The following DOCK9 variants were observed in gnomAD, a reference collection of about 807,000 sequenced individuals.
The protein encoded by DOCK9 is dedicator of cytokinesis 9.
DOCK9 carries 89 observed loss-of-function variants against 263.3 expected under a neutral mutation model. The ratio of observed to expected loss-of-function variants is 0.34; its 90% CI spans 0.28 to 0.40. The LOEUF is 0.40. Ranked by LOEUF, DOCK9 falls within the 10% of genes least tolerant of loss-of-function variation. DOCK9 has a pLI of 1.00. For missense variants in DOCK9, 2,140 were observed against 2,603.4 expected, an observed-to-expected ratio of 0.82 and a Z score of 3.87; for synonymous variants, 976 against 973.1, an observed-to-expected ratio of 1.00 and a Z score of -0.06.
intron 1 of DOCK9, among the ~76,000 whole-genome samples, chr13:98,986,901 T>C (rs939381431): frequency 1.3e-5 from 2 of 152,188 alleles, no homozygotes; most frequent in Non-Finnish European, 2.9e-5. Context: ...GTTGGAGATA[T>C]AAACATGGCA....
intron 1 of DOCK9, among the ~76,000 whole-genome samples, chr13:98,993,549 C>T (rs1486971180): frequency 6.6e-6 from 1 of 152,162 alleles, no homozygotes; most frequent in East Asian, 1.9e-4. Flanking sequence ...GGCTTGTGAT[C>T]AGTGAAGGAA....
chr13:99,052,394 T>C (rs1395536106), intron 1 of DOCK9, among the ~76,000 whole-genome samples: 1 of 152,206 alleles, frequency 6.6e-6, no homozygotes, highest in Admixed American at 6.5e-5. Context: ...TCTCCCTAGA[T>C]TCCACAAAAT....
upstream of DOCK9, among the ~76,000 whole-genome samples, chr13:98,981,054 G>GTTTTTTTTTTTTTTTTTTTTTTTTT (rs1291190944): frequency 7.0e-6 from 1 of 143,878 alleles, no homozygotes. Flanking sequence ...CAAGTAATTT[G>GTTTTTTTTTTTTTTTTTTTTTTTTT]TTTTTTGTTT....
At chr13:99,000,683 G>A (rs1175935011) in intron 1 of DOCK9, among the ~76,000 whole-genome samples, 2 of 152,130 alleles carry the variant, frequency 1.3e-5, no homozygotes, top group Non-Finnish European at 1.5e-5. Flanking sequence ...TCTGCAGCTT[G>A]GAAATGAATG....
At chr13:98,990,192 C>T (rs1396843495) in intron 1 of DOCK9, among the ~76,000 whole-genome samples, 1 of 152,198 alleles carries the variant, frequency 6.6e-6, no homozygotes, top group East Asian at 1.9e-4. Flanking sequence ...CTAAGGTTTT[C>T]CTTTCTCTCC....
In DOCK9 at chr13:98,797,258, A is replaced by T. The variant is rs1183972383; in HGVS notation, c.6018-5T>A. Reference sequence around the variant, plus strand: ...CCGCAAGCTTCCACAAATTGCCTGGAATGGTACAGGCGGGAGAAACAAAGG... The same window carrying T: ...CCGCAAGCTTCCACAAATTGCCTGGTATGGTACAGGCGGGAGAAACAAAGG... On this transcript the variant is annotated splice_region_variant and splice_polypyrimidine_tract_variant and intron_variant, in intron 51 of 52. Transcript: ENST00000682017. 2 of 1,613,920 alleles carry T rather than the reference A, an allele frequency of 1.2e-6. No homozygotes were observed. The highest frequency in any genetic ancestry group is 2.7e-5 in the African/African-American group (2 of 75,006).
intron 34 of DOCK9, among the ~76,000 whole-genome samples, chr13:98,855,144 G>T (rs1251487452): frequency 6.6e-6 from 1 of 152,152 alleles, no homozygotes; most frequent in Non-Finnish European, 1.5e-5. Flanking sequence ...TTGTGTTGTG[G>T]GTGCGTGCTG....
chr13:98,957,633 TA>T (rs571997451), intron 1 of DOCK9, among the ~76,000 whole-genome samples: 41 of 147,572 alleles, frequency 2.8e-4, no homozygotes, highest in South Asian at 4.3e-4. Context: ...ATATTTTAAT[TA>T]AAAAAAAAAA....
chr13:98,945,167 C>G (rs143123585), intron 2 of DOCK9, among the ~76,000 whole-genome samples: 189 of 152,332 alleles, frequency 1.2e-3, no homozygotes, highest in African/African-American at 4.2e-3. Context: ...AGCTTAAATG[C>G]TCAAAATAGC....
At chr13:99,016,310 A>T (rs1417126403) in intron 1 of DOCK9, among the ~76,000 whole-genome samples, 3 of 152,202 alleles carry the variant, frequency 2.0e-5, no homozygotes, top group African/African-American at 7.2e-5. Flanking sequence ...CAGCTTGCTG[A>T]CAGCAAACCA....
At chr13:98,798,567 G>A (rs981235821) in intron 50 of DOCK9, among the ~76,000 whole-genome samples, 1 of 152,128 alleles carries the variant, frequency 6.6e-6, no homozygotes, top group Admixed American at 6.5e-5. Flanking sequence ...GATACAAGAC[G>A]GTCTGTATTT....
At chr13:98,936,895 G>C (rs567700651) in intron 2 of DOCK9, among the ~76,000 whole-genome samples, 2 of 152,296 alleles carry the variant, frequency 1.3e-5, no homozygotes, top group South Asian at 4.1e-4. Context: ...AATTTCTGTA[G>C]TTTTATTTAT....
At chr13:98,826,521 T>C (rs771736419) in intron 44 of DOCK9, among the ~76,000 whole-genome samples, 1 of 152,198 alleles carries the variant, frequency 6.6e-6, no homozygotes, top group Non-Finnish European at 1.5e-5. Flanking sequence ...GGAACTATCT[T>C]AAGGGAAAAA....
chr13:99,025,160 G>A (rs1347978997), intron 1 of DOCK9: 1 of 152,186 alleles, frequency 6.6e-6, no homozygotes, highest in Non-Finnish European at 1.5e-5. Flanking sequence ...AAATGTAGGA[G>A]AAACTATCCT....
intron 15 of DOCK9, among the ~76,000 whole-genome samples, chr13:98,896,506 A>C (rs1411406459): frequency 6.6e-6 from 1 of 151,732 alleles, no homozygotes; most frequent in Non-Finnish European, 1.5e-5. Flanking sequence ...AAAAAAAAAC[A>C]AGGATACCTT....
chr13:99,049,340 T>C (rs957407661), intron 1 of DOCK9, among the ~76,000 whole-genome samples: 2 of 152,164 alleles, frequency 1.3e-5, no homozygotes, highest in African/African-American at 4.8e-5. Context: ...GGCAGTGTGG[T>C]CAGCCTTGTC....
At chr13:98,911,073 G>A (rs1411397252) in intron 9 of DOCK9, among the ~76,000 whole-genome samples, 1 of 152,132 alleles carries the variant, frequency 6.6e-6, no homozygotes, top group African/African-American at 2.4e-5. Flanking sequence ...CTTACTGCCT[G>A]GGCTGCTCAC....
chr13:98,909,020 T>C (rs1446632088), intron 9 of DOCK9, among the ~76,000 whole-genome samples: 3 of 152,352 alleles, frequency 2.0e-5, no homozygotes, highest in East Asian at 1.9e-4. Context: ...GGTCAGTCTA[T>C]ATTGTGATGG....
At chr13:98,827,995 C>T (rs1443629255) in intron 43 of DOCK9, among the ~76,000 whole-genome samples, 1 of 152,124 alleles carries the variant, frequency 6.6e-6, no homozygotes, top group Non-Finnish European at 1.5e-5. Context: ...TGAGGTCATA[C>T]TGGTGTGTGG....
Sources: allele counts gnomAD v4.1 joint callset (sites outside exome capture counted in the v4.1 genomes callset), GRCh38; gene constraint gnomAD v4.1.1; transcripts MANE v1.5; gene names NCBI Gene and HGNC (gene_info 2026-07-23, HGNC 2026-07-21).